The following KCTD14 variants were observed in gnomAD, a reference collection of about 807,000 sequenced individuals.
The protein encoded by KCTD14 is BTB/POZ domain-containing protein KCTD14.
KCTD14 carries 7 observed loss-of-function variants against 5.9 expected under a neutral mutation model. The observed-to-expected ratio is 1.19, with a 90% CI of 0.68 to 2.23. The LOEUF (loss-of-function observed/expected upper bound fraction) is 2.23. Among genes scored for constraint, KCTD14 ranks in the 30% most tolerant of loss-of-function variants. The pLI is 0.00. For synonymous variants in KCTD14, 140 were observed against 133.1 expected, an observed-to-expected ratio of 1.05 and a Z score of -0.36; for missense variants, 342 against 332.2, an observed-to-expected ratio of 1.03 and a Z score of -0.23.
At chr11:78,026,436 C>G (rs1857468520), upstream of KCTD14, among the ~76,000 whole-genome samples, 1 of 149,554 alleles carries the variant, frequency 6.7e-6, no homozygotes, top group African/African-American at 2.4e-5. Context: ...GAGTGAGACT[C>G]CATCTCAAAA....
At chr11:78,024,461 C>CAT (rs1195087699), upstream of KCTD14, among the ~76,000 whole-genome samples, 10 of 130,934 alleles carry the variant, frequency 7.6e-5, no homozygotes, top group East Asian at 4.6e-4. Flanking sequence ...TATATATATA[C>CAT]ATATATATAT....
intron 1 of KCTD14, among the ~76,000 whole-genome samples, chr11:78,021,524 T>G (rs1264693516): frequency 1.3e-5 from 2 of 151,956 alleles, no homozygotes; most frequent in African/African-American, 2.4e-5. Context: ...GCTCAAGCGA[T>G]TCTCCTGCCT....
upstream of KCTD14, chr11:78,023,600 C>T (rs1857366639): frequency 4.4e-6 from 1 of 229,560 alleles, no homozygotes; most frequent in Non-Finnish European, 8.6e-6. Flanking sequence ...GCAACCTCAA[C>T]CTCCTGGGCT....
chr11:78,022,254 TAACA>T (rs547914256), intron 1 of KCTD14, among the ~76,000 whole-genome samples: 6 of 151,754 alleles, frequency 4.0e-5, no homozygotes, highest in African/African-American at 7.3e-5. Context: ...ATCTCTATTT[TAACA>T]AACAAACAAA....
intron 2 of KCTD14, among the ~76,000 whole-genome samples, chr11:78,030,129 A>G (rs944966394): frequency 3.3e-5 from 5 of 152,148 alleles, no homozygotes; most frequent in African/African-American, 4.8e-5. Flanking sequence ...CTCTGTCTCC[A>G]TTCCTGGACA....
At position 78,023,200 on chromosome 11, in the gene KCTD14, T is replaced by C. The variant is rs1295582574; in HGVS notation, c.50A>G (p.Gln17Arg). The change falls in exon 1 of 2, where the codon CAG becomes CGG. Residue 17 changes from glutamine to arginine, a missense_variant. Transcript: ENST00000353172. ...VERPVGRMTS[Q>R]TPLPQSPRPR... ...CCGGGGGGACTGGGGCAGAGGGGTC[T>C]GGCTCGTCATCCTGCCCACTGGCCG... The C allele has an allele frequency of 6.2e-7, 1 of 1,607,002 alleles. No individual in the cohort carries two copies. Among genetic ancestry groups the C allele is most frequent in the Admixed American group, 1.7e-5 (1 of 59,852 alleles).
intron 2 of KCTD14, among the ~76,000 whole-genome samples, chr11:78,033,905 A>ATATATATATATATATATG (rs1857713835): frequency 2.0e-5 from 1 of 50,412 alleles, no homozygotes; most frequent in Non-Finnish European, 4.9e-5. Context: ...GTGTGTGTAT[A>ATATATATATATATATATG]TATATATATA....
chr11:78,033,644 T>C (rs1857693641), intron 2 of KCTD14, among the ~76,000 whole-genome samples: 1 of 148,834 alleles, frequency 6.7e-6, no homozygotes, highest in Non-Finnish European at 1.5e-5. Context: ...ATTGTACCAC[T>C]GTACTCCAGC....
intron 2 of KCTD14, among the ~76,000 whole-genome samples, chr11:78,038,464 A>G (rs1294612707): frequency 3.3e-5 from 5 of 152,182 alleles, no homozygotes; most frequent in Non-Finnish European, 7.3e-5. Context: ...GGCATCTCCC[A>G]TGGCCTGGAC....
At position 78,016,828 on chromosome 11, in the gene KCTD14, T is replaced by A; in HGVS notation, c.533A>T (p.Gln178Leu). The change falls in exon 2 of 2, where the codon CAG (glutamine) becomes CTG (leucine). Residue 178 changes from glutamine to leucine, a missense_variant. Physicochemically the swap from Gln to Leu is moderately radical, Grantham distance 113. Transcript: ENST00000353172. Reference protein sequence around the residue: ...VLVCLVETEEQDAYYSEVLCF... With the variant: ...VLVCLVETEELDAYYSEVLCF... Reference sequence around the variant, plus strand: ...CAGGACCTCTGAATAATATGCATCCTGCTCCTCAGTTTCCACCAGGCACAC... The same window carrying A: ...CAGGACCTCTGAATAATATGCATCCAGCTCCTCAGTTTCCACCAGGCACAC... 1 of 1,614,188 alleles carries A rather than the reference T, an allele frequency of 6.2e-7. No homozygotes were observed. The highest frequency in any genetic ancestry group is 1.3e-5 in the African/African-American group (1 of 75,070).
intron 2 of KCTD14, chr11:78,038,578 C>T (rs953879355): frequency 2.4e-5 from 36 of 1,475,222 alleles, no homozygotes; most frequent in Non-Finnish European, 3.3e-5. Context: ...TGCGTAGGCC[C>T]CAGCTGGTTA....
At chr11:78,018,504 C>T (rs943943799) in intron 1 of KCTD14, among the ~76,000 whole-genome samples, 3 of 152,044 alleles carry the variant, frequency 2.0e-5, no homozygotes, top group Admixed American at 6.6e-5. Flanking sequence ...ACCAGGAGTT[C>T]GAAACCAGCC....
At chr11:78,021,321 A>G (rs988042814) in intron 1 of KCTD14, among the ~76,000 whole-genome samples, 3 of 112,364 alleles carry the variant, frequency 2.7e-5, no homozygotes, top group Admixed American at 9.7e-5. Flanking sequence ...AAAAAAAAAA[A>G]AAAAAAAAGT....
intron 1 of KCTD14, among the ~76,000 whole-genome samples, chr11:78,021,189 C>T (rs1160370535): frequency 6.7e-6 from 1 of 149,826 alleles, no homozygotes; most frequent in Non-Finnish European, 1.5e-5. Context: ...CCTGTAATCC[C>T]AGCTACTTGG....
chr11:78,017,382 C>CA, intron 1 of KCTD14, 112 bp from the exon 2 acceptor site: 1 of 1,354,380 alleles, frequency 7.4e-7, no homozygotes, highest in South Asian at 1.6e-5. Flanking sequence ...TAATGATTGG[C>CA]TTCAGCTAGT....
intron 1 of KCTD14, 157 bp downstream of exon 1, chr11:78,023,003 A>G: frequency 1.7e-6 from 1 of 592,848 alleles, no homozygotes; most frequent in Non-Finnish European, 3.0e-6. Flanking sequence ...CAAAGATTGA[A>G]GAGAGCGACC....
intron 1 of KCTD14, among the ~76,000 whole-genome samples, chr11:78,021,057 C>G (rs531814023): frequency 6.6e-6 from 1 of 152,234 alleles, no homozygotes; most frequent in South Asian, 2.1e-4. Context: ...AATCCCAGCA[C>G]TTTGGGAGGC....
intron 1 of KCTD14, 40 bp from the exon 2 acceptor site, chr11:78,017,310 C>T (rs372028826): frequency 1.3e-6 from 2 of 1,524,188 alleles, no homozygotes; most frequent in Admixed American, 2.2e-5. Context: ...CACGCCATCT[C>T]CCCTGAGCGC....
At chr11:78,038,352 C>T (rs1463438932) in intron 2 of KCTD14, among the ~76,000 whole-genome samples, 2 of 152,224 alleles carry the variant, frequency 1.3e-5, no homozygotes, top group African/African-American at 4.8e-5. Flanking sequence ...ACCTCTTTCT[C>T]AGGCCATGCT....
Sources: allele counts gnomAD v4.1 joint callset (sites outside exome capture counted in the v4.1 genomes callset), GRCh38; gene constraint gnomAD v4.1.1; transcripts MANE v1.5; gene names NCBI Gene and HGNC (gene_info 2026-07-23, HGNC 2026-07-21).